The following CD163L1 variants were observed in gnomAD, a reference collection of about 807,000 sequenced individuals.
CD163L1 encodes the protein CD163 molecule like 1.
Under a neutral mutation model 165.4 loss-of-function variants are expected in CD163L1, and 124 were observed. That is an observed-to-expected ratio of 0.75 (90% CI 0.65 to 0.87). CD163L1 has a LOEUF of 0.87. CD163L1 is among the 40% of genes least tolerant of loss of function. The pLI, the probability that CD163L1 is intolerant of heterozygous loss-of-function variation, is 0.00. For missense variants in CD163L1, 1,525 were observed against 1,799.9 expected (o/e 0.85, Z 2.76); for synonymous variants, 585 against 662.2 (o/e 0.88, Z 1.79).
chr12:7,440,557 A>G (rs1007999099), intron 2 of CD163L1, among the ~76,000 whole-genome samples: 2 of 150,646 alleles, frequency 1.3e-5, no homozygotes, highest in African/African-American at 2.4e-5. Context: ...CGATTTTTCT[A>G]TTTGCAAAAA....
intron 18 of CD163L1, among the ~76,000 whole-genome samples, chr12:7,357,808 C>G (rs1397239030): frequency 6.6e-6 from 1 of 151,986 alleles, no homozygotes; most frequent in African/African-American, 2.4e-5. Flanking sequence ...CAATGGTAAG[C>G]ATCATTGTCT....
the CD163L1 span, among the ~76,000 whole-genome samples, chr12:7,340,281 T>C: frequency 6.6e-6 from 1 of 152,124 alleles, no homozygotes; most frequent in South Asian, 2.1e-4. Flanking sequence ...TCTGTCTGAG[T>C]ACATATTTGG....
rs1409136785 is a variant in CD163L1, at chr12:7,421,466, TATATATACATATATGTAC to T, written c.766+10932_766+10949del. ...ATATACATATATGTACATATATACA[TATATATACATATATGTAC>T]ATATATACATATATGTACATATACA... On this transcript the variant is annotated intron_variant, in intron 4 of 19. Coordinates refer to ENST00000313599, the MANE Select transcript of CD163L1 (RefSeq NM_174941.6). 9.7e-5 allele frequency among the ~76,000 whole-genome samples: 9 copies of T among 92,878 alleles called. 1 individual carries two copies. Among genetic ancestry groups the T allele is most frequent in the Non-Finnish European group, 1.5e-4 (8 of 52,368 alleles). The allele number at this position is 92,878 out of a possible 152,430, so 60.9% of individuals were successfully genotyped here.
chr12:7,396,494 C>A lies in CD163L1; in HGVS notation c.1730-79G>T, dbSNP rs113851943. 1,266 of 1,376,246 alleles carry A rather than the reference C, an allele frequency of 9.2e-4. 11 individuals are homozygous for A. The African/African-American group carries it at 0.017, about 18-fold the overall frequency. The allele number at this position is 1,376,246 out of a possible 1,614,324, so 85.3% of individuals were successfully genotyped here. A position where few individuals can be genotyped will look rare whatever the true frequency, so the allele number is the denominator to read the frequency against. ...ATGTCAACTTGGCTGGACTATGATA[C>A]CCAGTTATTTGGTCAAACACCAGTC... On this transcript the variant is annotated intron_variant, in intron 7 of 19. Transcript: ENST00000313599.
In CD163L1 at chr12:7,396,232, G is replaced by A. The variant is rs1345059595; in HGVS notation, c.1913C>T (p.Ala638Val). 1.2e-6 allele frequency: 2 copies of A among 1,614,174 alleles called. No homozygotes were observed. The highest frequency in any genetic ancestry group is 2.2e-5 in the South Asian group (2 of 91,078). Residue 638 changes from alanine (A) to valine (V), a missense_variant, in exon 8 of 20, where the codon GCT (alanine) becomes GTT (valine). Ala to Val is a moderately conservative substitution (Grantham distance 64). Coordinates refer to ENST00000313599, the MANE Select transcript of CD163L1 (RefSeq NM_174941.6). ...CCAAATTTTTCCATATCCTGTAGAA[G>A]CGTTTCCCAGACCCATGCCAATGAT... ...SSIIGMGLGN[A>V]STGYGKIWLD... is the part of the protein sequence containing the mutation.
intron 4 of CD163L1, among the ~76,000 whole-genome samples, chr12:7,415,433 A>AT (rs1278322734): frequency 6.6e-6 from 1 of 152,142 alleles, no homozygotes; most frequent in East Asian, 1.9e-4. Flanking sequence ...GTAAAATAAT[A>AT]TTTTTTATTA....
In CD163L1 at chr12:7,433,381, G is replaced by A. The variant is rs117072358; in HGVS notation, c.438C>T (p.Asn146=). 0.014 allele frequency: 23,003 copies of A among 1,588,368 alleles called. 229 individuals carry two copies. Among genetic ancestry groups the A allele is most frequent in the Non-Finnish European group, 0.016 (18,555 of 1,166,996 alleles). ...CTCTAGTTAGACTCTTACCATAACA[G>A]TTCACACCAACATCTTCTCCATGAT... The part of the protein sequence containing the change: ...NCYHGEDVGV[N]CYGEANLGLR... The change falls in exon 3 of 20, where the codon AAC becomes AAT. Residue 146 remains asparagine (N), a synonymous_variant. Coordinates refer to ENST00000313599, the MANE Select transcript of CD163L1 (RefSeq NM_174941.6).
rs756129244 is a variant in CD163L1 at position 7,403,534 on chromosome 12, C to T, written c.1408+1G>A. The T allele has an allele frequency of 5.0e-6, 8 of 1,608,800 alleles. No homozygotes were observed. The highest frequency in any genetic ancestry group is 6.8e-6 in the Non-Finnish European group (8 of 1,177,346). Reference sequence around the variant, plus strand: ...ACACTCTCATGATCTTTGAACCTTACCAGAACAAATTACTCCAGCATCTGA... The same window carrying T: ...ACACTCTCATGATCTTTGAACCTTATCAGAACAAATTACTCCAGCATCTGA... On this transcript the variant is annotated splice_donor_variant, in intron 6 of 19. Coordinates refer to ENST00000313599, the MANE Select transcript of CD163L1 (RefSeq NM_174941.6). LOFTEE classifies it high-confidence loss of function.
intron 10 of CD163L1, 33 bp from the exon 11 acceptor site, chr12:7,375,628 A>C: frequency 6.2e-7 from 1 of 1,610,524 alleles, no homozygotes; most frequent in South Asian, 1.1e-5. Context: ...AAGAGACATC[A>C]TGACTTATCA....
At chr12:7,435,061 T>C (rs1948697472) in intron 2 of CD163L1, among the ~76,000 whole-genome samples, 1 of 152,180 alleles carries the variant, frequency 6.6e-6, no homozygotes, top group South Asian at 2.1e-4. Flanking sequence ...CTCTTAAGTC[T>C]AATGAAAGCT....
At chr12:7,361,133 C>T (rs963927461) in intron 18 of CD163L1, among the ~76,000 whole-genome samples, 1 of 152,070 alleles carries the variant, frequency 6.6e-6, no homozygotes, top group Middle Eastern at 3.4e-3. Flanking sequence ...ATGAGTTGTT[C>T]TGGGATTTGA....
At chr12:7,421,478 T>C (rs1274728364) in intron 4 of CD163L1, among the ~76,000 whole-genome samples, 3 of 102,824 alleles carry the variant, frequency 2.9e-5, no homozygotes, top group Admixed American at 2.2e-4. Context: ...TATATACATA[T>C]ATGTACATAT....
chr12:7,396,382 C>A lies in CD163L1; in HGVS notation c.1763G>T (p.Gly588Val). 6.2e-7 allele frequency: 1 copy of A among 1,609,420 alleles called. No homozygotes were observed. Among genetic ancestry groups the A allele is most frequent in the South Asian group, 1.1e-5 (1 of 90,880 alleles). The change falls in exon 8 of 20, where the codon GGC becomes GTC. Residue 588 changes from glycine to valine, a missense_variant. Coordinates refer to ENST00000313599, the MANE Select transcript of CD163L1 (RefSeq NM_174941.6). The part of the protein sequence containing the change: ...DATWGLRLVG[G>V]SNRCSGRLEV... ...CAGTCTTCCCGAGCAGCGGTTGCTG[C>A]CGCCCACCAGCCTCAGGCCCCATGT...
intron 4 of CD163L1, among the ~76,000 whole-genome samples, chr12:7,420,609 C>T (rs1948329600): frequency 6.6e-6 from 1 of 151,902 alleles, no homozygotes; most frequent in Admixed American, 6.6e-5. Flanking sequence ...TGAAAAAACT[C>T]TCAACATCAC....
downstream of CD163L1, among the ~76,000 whole-genome samples, chr12:7,342,839 C>T (rs1946646104): frequency 6.6e-6 from 1 of 152,190 alleles, no homozygotes; most frequent in Non-Finnish European, 1.5e-5. Context: ...CCCAAAGCTT[C>T]ATGGACTCCA....
At chr12:7,328,138 T>A in the CD163L1 span, 3 of 546,016 alleles carry the variant, frequency 5.5e-6, no homozygotes, top group Non-Finnish European at 9.7e-6. Flanking sequence ...TAAACAGACG[T>A]TTCTGGTGTC....
intron 1 of CD163L1, among the ~76,000 whole-genome samples, chr12:7,441,834 T>G (rs993419175): frequency 2.0e-4 from 30 of 152,200 alleles, no homozygotes; most frequent in African/African-American, 7.0e-4. Flanking sequence ...AGCTATCCAC[T>G]TTTCTTCAGG....
In CD163L1 at chr12:7,432,306, T is replaced by C; in HGVS notation, c.766+110A>G. Reference sequence around the variant, plus strand: ...GCAATTTCAGGGTAACAAAAATGTGTTATAACCAGAGAAAATTCTTCTCCA... The same window carrying C: ...GCAATTTCAGGGTAACAAAAATGTGCTATAACCAGAGAAAATTCTTCTCCA... On this transcript the variant is annotated intron_variant, in intron 4 of 19. Transcript: ENST00000313599. The surrounding 1 kb of genome is among the most constrained non-coding windows in gnomAD (Gnocchi z 4.2). 2.4e-6 allele frequency: 2 copies of C among 823,252 alleles called. No homozygotes were observed. Among genetic ancestry groups the C allele is most frequent in the South Asian group, 3.6e-5 (2 of 55,364 alleles). 51.0% of individuals were successfully genotyped at this position (823,252 alleles called of 1,614,324 possible). A position where few individuals can be genotyped will look rare whatever the true frequency, so the allele number is the denominator to read the frequency against.
At chr12:7,382,379 A>T (rs140808015) in intron 8 of CD163L1, among the ~76,000 whole-genome samples, 125 of 152,278 alleles carry the variant, frequency 8.2e-4, no homozygotes, top group African/African-American at 2.7e-3. Flanking sequence ...CAGCAAGTAG[A>T]TAATTTCACA....
Sources: gnomAD v4.1 joint callset for allele counts (sites outside exome capture counted in the v4.1 genomes callset) on GRCh38, gnomAD v4.1.1 for gene constraint, Gnocchi (gnomAD v3.1) non-coding constraint, MANE v1.5 for transcripts, NCBI Gene and HGNC (gene_info 2026-07-23, HGNC 2026-07-21) for gene names.